Variants in FSHR observed in about 807,000 individuals in gnomAD.
The protein encoded by FSHR is follicle stimulating hormone receptor, also known as follicle-stimulating hormone receptor.
FSHR carries 46 observed loss-of-function variants against 52.1 expected under a neutral mutation model. That is an observed-to-expected ratio of 0.88 (90% CI 0.70 to 1.13). The LOEUF (loss-of-function observed/expected upper bound fraction) is 1.13. Among genes scored for constraint, FSHR ranks in the 50% most tolerant of loss-of-function variants. The pLI, the probability that FSHR is intolerant of heterozygous loss-of-function variation, is 0.00. For missense variants in FSHR, 964 were observed against 834.6 expected (o/e 1.16, Z -1.91); for synonymous variants, 399 against 309.6 (o/e 1.29, Z -3.03).
chr2:48,972,617 C>T (rs968156557), intron 8 of FSHR, among the ~76,000 whole-genome samples: 6 of 152,112 alleles, frequency 3.9e-5, no homozygotes, highest in Admixed American at 2.6e-4. Context: ...TCTTATCTGT[C>T]ATTTGGGTTC....
intron 1 of FSHR, among the ~76,000 whole-genome samples, chr2:49,136,963 G>A (rs1672510586): frequency 6.6e-6 from 1 of 152,108 alleles, no homozygotes; most frequent in Admixed American, 6.6e-5. Context: ...AGACAACGAT[G>A]TGCACTCCCA....
chr2:49,010,449 T>C (rs1255964589), intron 4 of FSHR, among the ~76,000 whole-genome samples: 1 of 152,206 alleles, frequency 6.6e-6, no homozygotes, highest in Admixed American at 6.5e-5. Flanking sequence ...ATTGAAGATT[T>C]TTGCATCAAT....
chr2:49,136,106 A>C (rs1001004541), intron 1 of FSHR, among the ~76,000 whole-genome samples: 1 of 152,164 alleles, frequency 6.6e-6, no homozygotes, highest in Admixed American at 6.5e-5. Flanking sequence ...TAAAAAAAGA[A>C]GACAAACTTT....
At chr2:49,134,067 T>A (rs1179243013) in intron 1 of FSHR, among the ~76,000 whole-genome samples, 1 of 152,050 alleles carries the variant, frequency 6.6e-6, no homozygotes, top group Non-Finnish European at 1.5e-5. Context: ...AATTGACAAA[T>A]GGGATCTAAT....
chr2:49,025,464 A>G (rs183988874), intron 2 of FSHR, among the ~76,000 whole-genome samples: 9 of 152,350 alleles, frequency 5.9e-5, no homozygotes, highest in East Asian at 1.9e-4. Context: ...ATGTGCATAT[A>G]GTAATTCATA....
chr2:49,123,685 C>T (rs1437729054), intron 1 of FSHR, among the ~76,000 whole-genome samples: 1 of 152,128 alleles, frequency 6.6e-6, no homozygotes, highest in East Asian at 1.9e-4. Context: ...AGGAATCATG[C>T]CCTTCATGCA....
chr2:49,055,756 T>C (rs1320050475), intron 2 of FSHR, among the ~76,000 whole-genome samples: 2 of 151,834 alleles, frequency 1.3e-5, no homozygotes, highest in African/African-American at 4.8e-5. Flanking sequence ...GGATGATATA[T>C]TCAAAGTACT....
intron 1 of FSHR, among the ~76,000 whole-genome samples, chr2:49,144,552 A>G (rs145803792): frequency 6.6e-6 from 1 of 152,302 alleles, no homozygotes; most frequent in African/African-American, 2.4e-5. Context: ...GCTGTTCATC[A>G]TAATTGTCAT....
At chr2:49,021,886 T>TATATATATAGAGAGAGAGAG (rs1273265515) in intron 2 of FSHR, among the ~76,000 whole-genome samples, 7 of 25,124 alleles carry the variant, frequency 2.8e-4, no homozygotes, top group Admixed American at 2.2e-3. Context: ...TATATATATA[T>TATATATATAGAGAGAGAGAG]AGAGAGAGAG....
intron 9 of FSHR, 60 bp downstream of exon 9, chr2:48,968,638 A>C: frequency 6.4e-7 from 1 of 1,572,470 alleles, no homozygotes. Flanking sequence ...ATAGGTAGAA[A>C]TTGTGGACAA....
intron 1 of FSHR, among the ~76,000 whole-genome samples, chr2:49,075,187 A>G (rs1387890329): frequency 6.6e-6 from 1 of 152,116 alleles, no homozygotes; most frequent in Non-Finnish European, 1.5e-5. Flanking sequence ...AAGGATATTG[A>G]CGTTCCCAAC....
At chr2:49,104,745 C>T (rs778345590) in intron 1 of FSHR, among the ~76,000 whole-genome samples, 4 of 151,212 alleles carry the variant, frequency 2.6e-5, no homozygotes, top group Non-Finnish European at 4.4e-5. Flanking sequence ...TTGCCATCCT[C>T]AATACAGCAG....
chr2:49,079,809 A>G (rs1259708136), intron 1 of FSHR, among the ~76,000 whole-genome samples: 2 of 152,146 alleles, frequency 1.3e-5, no homozygotes, highest in Non-Finnish European at 2.9e-5. Flanking sequence ...TGTTCAGAAG[A>G]CTTTTTTAAA....
chr2:49,078,547 T>C (rs1312210130), intron 1 of FSHR, among the ~76,000 whole-genome samples: 1 of 152,176 alleles, frequency 6.6e-6, no homozygotes, highest in Non-Finnish European at 1.5e-5. Context: ...TATTATCAGC[T>C]TGAATGTGTC....
chr2:49,021,971 G>C (rs565235502), intron 2 of FSHR, among the ~76,000 whole-genome samples: 1 of 146,752 alleles, frequency 6.8e-6, no homozygotes, highest in Non-Finnish European at 1.5e-5. Context: ...TCTTTATCCT[G>C]TAAGTACAGG....
intron 2 of FSHR, among the ~76,000 whole-genome samples, chr2:49,064,709 G>A (rs1219880661): frequency 6.6e-6 from 1 of 152,138 alleles, no homozygotes; most frequent in African/African-American, 2.4e-5. Flanking sequence ...AGGACTTGGT[G>A]TTGTACTTCA....
chr2:49,154,403 C>A lies in FSHR; in HGVS notation c.15G>T (p.Leu5=), dbSNP rs767018868. 1.2e-6 allele frequency: 2 copies of A among 1,612,600 alleles called. No individual in the cohort carries two copies. The highest frequency in any genetic ancestry group is 1.7e-6 in the Non-Finnish European group (2 of 1,179,900). The change falls in exon 1 of 10, where the codon CTG becomes CTT. Residue 5 remains leucine, a synonymous_variant. Coordinates refer to ENST00000406846, the MANE Select transcript of FSHR (RefSeq NM_000145.4). MALL[L]VSLLAFLSLG... The stretch of plus-strand genomic sequence containing the variant: ...AGCTCAGGAATGCCAGCAAAGAGAC[C>A]AGGAGCAGGGCCATAATTATGCATC...
At chr2:49,029,830 C>T (rs1668038273) in intron 2 of FSHR, among the ~76,000 whole-genome samples, 1 of 152,202 alleles carries the variant, frequency 6.6e-6, no homozygotes, top group South Asian at 2.1e-4. Flanking sequence ...TATAAAACAA[C>T]ACTGTTGATC....
rs1224896244 is a variant in FSHR at position 49,021,863 on chromosome 2, CTATA to C, written c.225-1707_225-1704del. Among the ~76,000 whole-genome samples, 53 of 49,862 alleles carry C rather than the reference CTATA, an allele frequency of 1.1e-3. 1 individual carries two copies. Among genetic ancestry groups the C allele is most frequent in the Admixed American group, 1.6e-3 (7 of 4,370 alleles). The allele number at this position is 49,862 out of a possible 152,430, so 32.7% of individuals were successfully genotyped here. On this transcript the variant is annotated intron_variant, in intron 2 of 9. Coordinates refer to ENST00000406846, the MANE Select transcript of FSHR (RefSeq NM_000145.4). ...TCTCTCTCTCTCTCTCTCTCTCTCT[CTATA>C]TATATATATATATATATATAGAGAG...
Sources: allele counts gnomAD v4.1 joint callset (sites outside exome capture counted in the v4.1 genomes callset), GRCh38; gene constraint gnomAD v4.1.1; transcripts MANE v1.5; gene names NCBI Gene and HGNC (gene_info 2026-07-23, HGNC 2026-07-21).